Variants in ROBO1 observed in about 807,000 individuals in gnomAD.
The protein encoded by ROBO1 is roundabout homolog 1.
In ROBO1, 149 loss-of-function variants were observed where a neutral mutation model predicts 195.9. The ratio of observed to expected loss-of-function variants is 0.76; its 90% CI spans 0.67 to 0.87. The LOEUF (loss-of-function observed/expected upper bound fraction) is 0.87. Among genes scored for constraint, ROBO1 ranks in the 40% least tolerant of loss-of-function variants. The probability of loss-of-function intolerance (pLI) is 0.00; values close to 1 mark genes in which losing one functional copy is unlikely to be tolerated. For synonymous variants in ROBO1, 816 were observed against 733.2 expected, an observed-to-expected ratio of 1.11 and a Z score of -1.82; for missense variants, 1,933 against 2,068.3, an observed-to-expected ratio of 0.93 and a Z score of 1.27.
intron 3 of ROBO1, among the ~76,000 whole-genome samples, chr3:78,984,204 A>T (rs1274219226): frequency 1.3e-5 from 2 of 152,176 alleles, no homozygotes; most frequent in African/African-American, 2.4e-5. Flanking sequence ...GATGATGATG[A>T]TGATGACAAT....
chr3:78,681,113 C>G (rs2080894040), intron 10 of ROBO1, among the ~76,000 whole-genome samples: 1 of 151,292 alleles, frequency 6.6e-6, no homozygotes, highest in Non-Finnish European at 1.5e-5. Context: ...TGTTCTCACT[C>G]ACAGGTGGGA....
At chr3:78,690,868 A>C (rs1397631888) in intron 8 of ROBO1, among the ~76,000 whole-genome samples, 1 of 152,130 alleles carries the variant, frequency 6.6e-6, no homozygotes, top group Non-Finnish European at 1.5e-5. Flanking sequence ...TGTGTGCCAG[A>C]ATCTATGTTT....
At chr3:79,156,604 G>GA (rs976230896) in intron 2 of ROBO1, among the ~76,000 whole-genome samples, 3 of 151,710 alleles carry the variant, frequency 2.0e-5, no homozygotes, top group Admixed American at 6.6e-5. Context: ...TATCAAATCA[G>GA]AAAAAATATT....
At chr3:79,473,566 C>A (rs551866780) in intron 2 of ROBO1, among the ~76,000 whole-genome samples, 2 of 152,116 alleles carry the variant, frequency 1.3e-5, no homozygotes, top group East Asian at 3.9e-4. Flanking sequence ...TATTTGAGAT[C>A]CAAAATGAAT....
intron 4 of ROBO1, among the ~76,000 whole-genome samples, chr3:78,769,638 T>G (rs1466891189): frequency 6.4e-5 from 6 of 93,784 alleles, no homozygotes; most frequent in African/African-American, 1.5e-4. Flanking sequence ...TTTTTTTTTT[T>G]GCTTTTTAAA....
chr3:78,702,991 C>T (rs1285863521), intron 8 of ROBO1, among the ~76,000 whole-genome samples: 1 of 152,154 alleles, frequency 6.6e-6, no homozygotes, highest in Non-Finnish European at 1.5e-5. Flanking sequence ...TGTAGGAAGG[C>T]CATGAAGTGA....
intron 2 of ROBO1, among the ~76,000 whole-genome samples, chr3:79,380,009 A>G (rs2036516954): frequency 6.6e-6 from 1 of 152,216 alleles, no homozygotes; most frequent in Non-Finnish European, 1.5e-5. Context: ...AATACAAATC[A>G]TGGTTAGCAC....
intron 4 of ROBO1, among the ~76,000 whole-genome samples, chr3:78,828,679 C>T (rs2031866001): frequency 6.6e-6 from 1 of 152,128 alleles, no homozygotes; most frequent in African/African-American, 2.4e-5. Flanking sequence ...TATTGGATCT[C>T]AGAATATTTC....
At chr3:79,560,067 T>A (rs984478656) in intron 2 of ROBO1, among the ~76,000 whole-genome samples, 3 of 152,132 alleles carry the variant, frequency 2.0e-5, no homozygotes, top group Admixed American at 1.3e-4. Context: ...TAGTTTTTAA[T>A]CTTTTTATGA....
At chr3:79,538,494 A>G (rs192936896) in intron 2 of ROBO1, among the ~76,000 whole-genome samples, 7 of 152,204 alleles carry the variant, frequency 4.6e-5, no homozygotes, top group Admixed American at 4.6e-4. Context: ...TGCCCCAAAT[A>G]TTGGGTTGTG....
intron 5 of ROBO1, among the ~76,000 whole-genome samples, chr3:78,732,597 T>C (rs575512450): frequency 1.3e-5 from 2 of 152,198 alleles, no homozygotes; most frequent in South Asian, 2.1e-4. Flanking sequence ...CTAATAAAGA[T>C]GGGGAAATGT....
intron 3 of ROBO1, among the ~76,000 whole-genome samples, chr3:79,003,041 G>A (rs957862711): frequency 3.9e-5 from 6 of 152,138 alleles, no homozygotes; most frequent in African/African-American, 1.4e-4. Context: ...CACAGTAATT[G>A]TAAATCTCTT....
At chr3:78,646,515 T>A (rs1185845996) in intron 20 of ROBO1, among the ~76,000 whole-genome samples, 1 of 151,348 alleles carries the variant, frequency 6.6e-6, no homozygotes, top group Non-Finnish European at 1.5e-5. Flanking sequence ...CTGTTACACA[T>A]CTGTACATTA....
At chr3:78,896,365 G>A (rs928342818) in intron 4 of ROBO1, among the ~76,000 whole-genome samples, 17 of 152,206 alleles carry the variant, frequency 1.1e-4, no homozygotes, top group Admixed American at 2.6e-4. Context: ...CACAAAAGAC[G>A]TGAAAATAGC....
At chr3:79,560,141 A>G (rs935099875) in intron 2 of ROBO1, among the ~76,000 whole-genome samples, 8 of 152,000 alleles carry the variant, frequency 5.3e-5, no homozygotes, top group Non-Finnish European at 8.8e-5. Context: ...GAGAGAATGA[A>G]TGTCAGGACC....
At chr3:78,915,783 G>A (rs562681346) in intron 4 of ROBO1, among the ~76,000 whole-genome samples, 2 of 152,002 alleles carry the variant, frequency 1.3e-5, no homozygotes, top group East Asian at 1.9e-4. Flanking sequence ...TCAGCCACCC[G>A]AGTAGCTAGG....
chr3:79,475,259 G>A (rs2107342971), intron 2 of ROBO1, among the ~76,000 whole-genome samples: 1 of 151,930 alleles, frequency 6.6e-6, no homozygotes, highest in Non-Finnish European at 1.5e-5. Context: ...TACAACCAAA[G>A]TGAGCTTGGA....
chr3:78,782,041 T>C (rs1364370525), intron 4 of ROBO1, among the ~76,000 whole-genome samples: 2 of 152,190 alleles, frequency 1.3e-5, no homozygotes, highest in Non-Finnish European at 2.9e-5. Flanking sequence ...CCTGCTCATT[T>C]TGCTAGGCCA....
intron 4 of ROBO1, among the ~76,000 whole-genome samples, chr3:78,763,347 G>A (rs2083152841): frequency 6.6e-6 from 1 of 152,072 alleles, no homozygotes; most frequent in South Asian, 2.1e-4. Flanking sequence ...TATGGCCTCT[G>A]TAGTTGGAAG....
Sources: gnomAD v4.1 joint callset for allele counts (sites outside exome capture counted in the v4.1 genomes callset) on GRCh38, gnomAD v4.1.1 for gene constraint, MANE v1.5 for transcripts, NCBI Gene and HGNC (gene_info 2026-07-23, HGNC 2026-07-21) for gene names.